Variants in DENND2B observed in about 807,000 individuals in gnomAD.
The protein encoded by DENND2B is DENN domain containing 2B.
A neutral mutation model predicts 116.0 loss-of-function variants in DENND2B; 32 were observed. The ratio of observed to expected loss-of-function variants is 0.28; its 90% confidence interval spans 0.21 to 0.37. DENND2B has a LOEUF of 0.37. Among genes scored for constraint, DENND2B ranks in the 10% least tolerant of loss-of-function variants. DENND2B has a pLI of 1.00. For missense variants in DENND2B, 1,276 were observed against 1,477.7 expected (o/e 0.86, Z 2.24); for synonymous variants, 588 against 583.9 (o/e 1.01, Z -0.10).
rs561119413 is a variant in DENND2B at position 8,805,347 on chromosome 11, C to T, written c.-26+5170G>A. ...GTTCATTTTAAAACCATCTACAATA[C>T]TCAGTTGTCAGAACTCCATAAGGTA... On this transcript the variant is annotated intron_variant, in intron 1 of 19. Coordinates refer to ENST00000313726, the MANE Select transcript of DENND2B (RefSeq NM_213618.2). 2.0e-4 allele frequency among the ~76,000 whole-genome samples: 30 copies of T among 152,342 alleles called. 1 individual carries two copies. The South Asian group carries it at 6.2e-3, about 32-fold the overall frequency.
chr11:8,850,550 G>A (rs556577846), intron 3 of DENND2B, among the ~76,000 whole-genome samples: 114 of 151,990 alleles, frequency 7.5e-4, no homozygotes, highest in African/African-American at 2.6e-3. Context: ...GATAATAAGT[G>A]TTGGAGAGGA....
Position 8,719,816 on chromosome 11 carries a change from T to C in DENND2B, c.1478-1924A>G, listed in dbSNP as rs113174080. 3.2e-3 allele frequency among the ~76,000 whole-genome samples: 491 copies of C among 152,348 alleles called. 1 individual carries two copies. Among genetic ancestry groups the C allele is most frequent in the African/African-American group, 0.01 (424 of 41,578 alleles). On this transcript the variant is annotated intron_variant, in intron 4 of 19. Coordinates refer to ENST00000313726, the MANE Select transcript of DENND2B (RefSeq NM_213618.2). ...CACATCACGGCAGGGAGAACATTTA[T>C]GCCAAGCTCAACAAATCGAAACTGC...
rs185797584 is a variant in DENND2B at position 8,734,639 on chromosome 11, A to G, written c.81-3430T>C. Among the ~76,000 whole-genome samples the G allele has an allele frequency of 4.0e-3, 603 of 152,082 alleles. 1 individual carries two copies. Among genetic ancestry groups the G allele is most frequent in the Non-Finnish European group, 6.6e-3 (451 of 67,960 alleles). ...CCAGTCTCTACTAAAAATAACAAAA[A>G]TTAGCTGGGCGTGGTGGCAGGCAAC... On this transcript the variant is annotated intron_variant, in intron 2 of 19. Coordinates refer to ENST00000313726, the MANE Select transcript of DENND2B (RefSeq NM_213618.2).
intron 1 of DENND2B, among the ~76,000 whole-genome samples, chr11:8,796,110 C>T (rs777487310): frequency 3.3e-5 from 5 of 152,226 alleles, no homozygotes; most frequent in African/African-American, 4.8e-5. Context: ...ACTATTCCAT[C>T]TAAGCAGGCT....
chr11:8,702,888 G>T lies in DENND2B; in HGVS notation c.2572-168C>A. 2.4e-6 allele frequency: 2 copies of T among 824,856 alleles called. No individual in the cohort carries two copies. Among genetic ancestry groups the T allele is most frequent in the Non-Finnish European group, 3.7e-6 (2 of 543,818 alleles). The allele number at this position is 824,856 out of a possible 1,614,324, so 51.1% of individuals were successfully genotyped here. ...CCTCTTCTCCATCCCTCGGACTACAGCTCTGCTCTCGTAGCACTCGAACAC... is the reference window on the plus strand; with the variant it reads ...CCTCTTCTCCATCCCTCGGACTACATCTCTGCTCTCGTAGCACTCGAACAC... On this transcript the variant is annotated intron_variant, in intron 13 of 19. Coordinates refer to ENST00000313726, the MANE Select transcript of DENND2B (RefSeq NM_213618.2). This position sits in a 1 kb window ranked among gnomAD's most constrained non-coding sequence, Gnocchi z 4.6.
chr11:8,838,704 C>T (rs868383253), intron 4 of DENND2B, among the ~76,000 whole-genome samples: 2 of 152,046 alleles, frequency 1.3e-5, no homozygotes, highest in Admixed American at 1.3e-4. Context: ...CAAAGGAATC[C>T]GAGTTTTAAA....
At chr11:8,861,001 G>T (rs917139516) in intron 2 of DENND2B, among the ~76,000 whole-genome samples, 3 of 151,758 alleles carry the variant, frequency 2.0e-5, no homozygotes, top group Non-Finnish European at 4.4e-5. Context: ...GAATGAAACT[G>T]GATCCCTATC....
At chr11:8,776,134 ACGCACGTG>A (rs749973762) in intron 1 of DENND2B, 4 of 290,490 alleles carry the variant, frequency 1.4e-5, no homozygotes, top group East Asian at 9.7e-5. Context: ...GCACACAGAC[ACGCACGTG>A]CGCGCACGCG....
intron 2 of DENND2B, among the ~76,000 whole-genome samples, chr11:8,861,466 A>C (rs2063387739): frequency 6.6e-6 from 1 of 152,242 alleles, no homozygotes; most frequent in South Asian, 2.1e-4. Context: ...GATGCAAATT[A>C]AAACCACAAT....
intron 1 of DENND2B, among the ~76,000 whole-genome samples, chr11:8,754,025 G>GCACACACACACACACA (rs58878035): frequency 1.2e-4 from 1 of 8,056 alleles, no homozygotes; most frequent in African/African-American, 1.5e-4. Flanking sequence ...AACACCAAAA[G>GCACACACACACACACA]CGCGCACACA....
At chr11:8,901,426 C>T (rs1336170903) in intron 1 of DENND2B, among the ~76,000 whole-genome samples, 2 of 151,610 alleles carry the variant, frequency 1.3e-5, no homozygotes, top group Non-Finnish European at 2.9e-5. Context: ...GACGGGGTTT[C>T]ACCATGTTGG....
intron 2 of DENND2B, among the ~76,000 whole-genome samples, chr11:8,737,174 G>C (rs1333828239): frequency 2.6e-5 from 4 of 152,088 alleles, no homozygotes; most frequent in Admixed American, 6.6e-5. Flanking sequence ...TTTCAATATG[G>C]GAGTCATTAG....
chr11:8,698,326 T>A (rs569723494), intron 16 of DENND2B, among the ~76,000 whole-genome samples: 9 of 152,074 alleles, frequency 5.9e-5, no homozygotes, highest in African/African-American at 2.2e-4. Context: ...AGGAATGAAG[T>A]TAGACTGTTG....
chr11:8,790,289 T>C (rs1473330090), intron 1 of DENND2B, among the ~76,000 whole-genome samples: 3 of 152,194 alleles, frequency 2.0e-5, no homozygotes, highest in Non-Finnish European at 4.4e-5. Context: ...TTCCTCCCAG[T>C]GAAACATCTA....
chr11:8,750,999 ACC>A (rs2052329880), intron 1 of DENND2B, among the ~76,000 whole-genome samples: 1 of 152,080 alleles, frequency 6.6e-6, no homozygotes, highest in Non-Finnish European at 1.5e-5. Context: ...ACCAATCAGC[ACC>A]CTATGTCTAG....
intron 3 of DENND2B, among the ~76,000 whole-genome samples, chr11:8,844,356 C>T (rs1293110834): frequency 2.6e-5 from 4 of 152,176 alleles, no homozygotes; most frequent in African/African-American, 9.6e-5. Context: ...GCCATGATTG[C>T]ACCACTGTAT....
At chr11:8,881,834 C>T (rs987267682) in intron 1 of DENND2B, among the ~76,000 whole-genome samples, 5 of 152,330 alleles carry the variant, frequency 3.3e-5, no homozygotes, top group African/African-American at 1.2e-4. Context: ...CGTGAGCCAG[C>T]ATGCCCGGCC....
upstream of DENND2B, among the ~76,000 whole-genome samples, chr11:8,812,216 G>T (rs576789716): frequency 7.0e-4 from 106 of 152,274 alleles, no homozygotes; most frequent in African/African-American, 2.4e-3. Context: ...TTTGATAACT[G>T]GTTATGAGAT....
intron 8 of DENND2B, 102 bp downstream of exon 8, chr11:8,713,896 G>T: frequency 7.7e-7 from 1 of 1,299,642 alleles, no homozygotes; most frequent in Non-Finnish European, 1.1e-6. Context: ...CTCCACATCA[G>T]GCCGGTTAGG....
Sources: gnomAD v4.1 joint callset for allele counts (sites outside exome capture counted in the v4.1 genomes callset) on GRCh38, gnomAD v4.1.1 for gene constraint, Gnocchi (gnomAD v3.1) non-coding constraint, MANE v1.5 for transcripts, NCBI Gene and HGNC (gene_info 2026-07-23, HGNC 2026-07-21) for gene names.